The following ERCC6L2 variants were observed in gnomAD, a reference collection of about 807,000 sequenced individuals.
The protein encoded by ERCC6L2 is DNA excision repair protein ERCC-6-like 2.
In ERCC6L2, 77 loss-of-function variants were observed where a neutral mutation model predicts 132.0. The observed-to-expected ratio is 0.58, with a 90% CI of 0.49 to 0.71. The LOEUF (loss-of-function observed/expected upper bound fraction) is 0.71. Ranked by LOEUF, ERCC6L2 falls within the 30% of genes least tolerant of loss-of-function variation. The pLI, the probability that ERCC6L2 is intolerant of heterozygous loss-of-function variation, is 0.00. For missense variants in ERCC6L2, 1,542 were observed against 1,837.6 expected, an observed-to-expected ratio of 0.84 and a Z score of 2.94; for synonymous variants, 583 against 632.4, an observed-to-expected ratio of 0.92 and a Z score of 1.17.
At chr9:96,023,337 C>G (rs999855031), downstream of ERCC6L2, among the ~76,000 whole-genome samples, 1 of 152,204 alleles carries the variant, frequency 6.6e-6, no homozygotes, top group African/African-American at 2.4e-5. Flanking sequence ...AATACAGATC[C>G]TACCAGTGGT....
At chr9:96,010,693 T>G (rs1381212711) in intron 18 of ERCC6L2, among the ~76,000 whole-genome samples, 2 of 152,220 alleles carry the variant, frequency 1.3e-5, no homozygotes, top group Admixed American at 1.3e-4. Context: ...TAGGTTCCCT[T>G]TCTATGAATG....
chr9:95,961,952 T>C (rs919475146), intron 13 of ERCC6L2, among the ~76,000 whole-genome samples: 1 of 152,046 alleles, frequency 6.6e-6, no homozygotes, highest in East Asian at 1.9e-4. Flanking sequence ...ACGAGAACAG[T>C]AGGGGGTGAA....
At chr9:95,885,618 A>G (rs919549602) in intron 2 of ERCC6L2, among the ~76,000 whole-genome samples, 1 of 96,466 alleles carries the variant, frequency 1.0e-5, no homozygotes, top group Non-Finnish European at 2.2e-5. Context: ...AGTACAATAA[A>G]CAATTTCACT....
At chr9:95,991,284 C>A (rs2133158844) in intron 17 of ERCC6L2, among the ~76,000 whole-genome samples, 1 of 152,168 alleles carries the variant, frequency 6.6e-6, no homozygotes, top group South Asian at 2.1e-4. Flanking sequence ...GATTCTTTAC[C>A]ACCACATTCT....
At chr9:95,922,280 A>G (rs1564226800) in intron 7 of ERCC6L2, 25 bp from the exon 8 acceptor site, 2 of 1,307,264 alleles carry the variant, frequency 1.5e-6, no homozygotes, top group Middle Eastern at 1.8e-4. Context: ...GGTCCTTTTT[A>G]TTTTCTATAT....
At chr9:95,912,545 T>G (rs567271858) in intron 4 of ERCC6L2, among the ~76,000 whole-genome samples, 1 of 152,342 alleles carries the variant, frequency 6.6e-6, no homozygotes, top group East Asian at 1.9e-4. Context: ...TATTTTAGCA[T>G]GGATTTCCTA....
In ERCC6L2 at chr9:95,990,836, G is replaced by A. The variant is rs114631843; in HGVS notation, c.3492+12621G>A. 6.6e-3 allele frequency among the ~76,000 whole-genome samples: 1,008 copies of A among 152,320 alleles called. 18 individuals are homozygous for A. Among genetic ancestry groups the A allele is most frequent in the African/African-American group, 0.023 (964 of 41,570 alleles). ...GTGGCAGCCCCTGCCCTCTTGGCAC[G>A]TGGGTTCTTGTCTGGTGTCCAGGAA... On this transcript the variant is annotated intron_variant, in intron 17 of 18. Coordinates refer to ENST00000653738, the MANE Select transcript of ERCC6L2 (RefSeq NM_020207.7).
intron 11 of ERCC6L2, among the ~76,000 whole-genome samples, chr9:95,931,491 C>G (rs181199518): frequency 1.7e-4 from 26 of 152,260 alleles, no homozygotes; most frequent in African/African-American, 5.8e-4. Context: ...GAAATATCCT[C>G]TGGTAACTTT....
intron 5 of ERCC6L2, 93 bp downstream of exon 5, chr9:95,915,922 A>G (rs1248022040): frequency 1.6e-6 from 2 of 1,268,414 alleles, no homozygotes; most frequent in African/African-American, 3.0e-5. Flanking sequence ...CAAACGAAAC[A>G]GTCATTTGTC....
At chr9:95,986,088 C>T (rs1037009053) in intron 17 of ERCC6L2, among the ~76,000 whole-genome samples, 1 of 152,208 alleles carries the variant, frequency 6.6e-6, no homozygotes, top group Non-Finnish European at 1.5e-5. Flanking sequence ...TCCCCCAACT[C>T]TCCTCCAAAG....
At chr9:96,034,692 CT>C (rs1272824867) in intron 19 of ERCC6L2, among the ~76,000 whole-genome samples, 1 of 152,166 alleles carries the variant, frequency 6.6e-6, no homozygotes, top group East Asian at 1.9e-4. Context: ...CCTGCCCCTT[CT>C]GAGTTTGGGT....
At chr9:96,037,121 G>A (rs994528733) in intron 19 of ERCC6L2, among the ~76,000 whole-genome samples, 1 of 152,152 alleles carries the variant, frequency 6.6e-6, no homozygotes, top group African/African-American at 2.4e-5. Context: ...CCAAATTTCT[G>A]TAGTAGTTTA....
At chr9:95,881,390 T>G in intron 2 of ERCC6L2, 97 bp downstream of exon 2, 1 of 949,296 alleles carries the variant, frequency 1.1e-6, no homozygotes, top group Non-Finnish European at 1.5e-6. Flanking sequence ...CGATAGCTAT[T>G]TTGTGTGTTC....
chr9:96,023,555 G>C (rs1190846758), intron 19 of ERCC6L2, among the ~76,000 whole-genome samples: 1 of 152,090 alleles, frequency 6.6e-6, no homozygotes, highest in Non-Finnish European at 1.5e-5. Flanking sequence ...TTTTAACTGT[G>C]TTTTTGATGT....
At chr9:95,884,932 T>G (rs1827786319) in intron 2 of ERCC6L2, among the ~76,000 whole-genome samples, 1 of 152,214 alleles carries the variant, frequency 6.6e-6, no homozygotes, top group Admixed American at 6.5e-5. Flanking sequence ...TAGGAAAGAC[T>G]TGAGTATTTT....
chr9:96,020,092 G>A (rs1457602477), downstream of ERCC6L2: 3 of 153,108 alleles, frequency 2.0e-5, no homozygotes, highest in East Asian at 5.8e-4. Flanking sequence ...TGAGGCAGGA[G>A]AATCTCTTGA....
chr9:95,938,337 T>C (rs912060506), intron 11 of ERCC6L2, among the ~76,000 whole-genome samples: 2 of 152,112 alleles, frequency 1.3e-5, no homozygotes, highest in African/African-American at 4.8e-5. Context: ...GGTGCTGTTC[T>C]AGGTGGAGTG....
chr9:95,994,882 G>A (rs1833421776), intron 17 of ERCC6L2, among the ~76,000 whole-genome samples: 1 of 152,180 alleles, frequency 6.6e-6, no homozygotes, highest in African/African-American at 2.4e-5. Context: ...CTCCCTATCA[G>A]CTTTTTTCAC....
intron 17 of ERCC6L2, among the ~76,000 whole-genome samples, chr9:95,997,025 G>A (rs996879836): frequency 6.6e-6 from 1 of 152,190 alleles, no homozygotes; most frequent in African/African-American, 2.4e-5. Context: ...TTGAAACCAG[G>A]AGTTCAAGGC....
Sources: gnomAD v4.1 joint callset for allele counts (sites outside exome capture counted in the v4.1 genomes callset) on GRCh38, gnomAD v4.1.1 for gene constraint, MANE v1.5 for transcripts, NCBI Gene and HGNC (gene_info 2026-07-23, HGNC 2026-07-21) for gene names.